ADGRD1: variants seen among roughly 807,000 people sequenced by gnomAD.
ADGRD1 encodes the protein G-protein coupled receptor 133.
In ADGRD1, 77 loss-of-function variants were observed where a neutral mutation model predicts 113.4. The observed-to-expected ratio is 0.68, with a 90% CI of 0.57 to 0.82. The LOEUF (loss-of-function observed/expected upper bound fraction) is 0.82, where lower values mean the gene tolerates loss of function less well. ADGRD1 is among the 40% of genes least tolerant of loss of function. The probability of loss-of-function intolerance (pLI) is 0.00; values close to 1 mark genes in which losing one functional copy is unlikely to be tolerated. For missense variants in ADGRD1, 1,036 were observed against 1,139.1 expected (o/e 0.91, Z 1.30); for synonymous variants, 474 against 475.0 (o/e 1.00, Z 0.03).
chr12:131,033,088 T>C (rs1880977658), intron 13 of ADGRD1, among the ~76,000 whole-genome samples: 1 of 152,232 alleles, frequency 6.6e-6, no homozygotes, highest in African/African-American at 2.4e-5. Flanking sequence ...CGCCCTGCCC[T>C]CCAGGACATT....
In ADGRD1 at chr12:130,981,881, C is replaced by T; in HGVS notation, c.311-3C>T. On this transcript the variant is annotated splice_region_variant and splice_polypyrimidine_tract_variant and intron_variant, in intron 4 of 24. Coordinates refer to ENST00000261654, the MANE Select transcript of ADGRD1 (RefSeq NM_198827.5). ...GAATAACTGATCTTGTGACTTTCCT[C>T]AGGGGTCACGTTTTCTTTTTTCTGG... The T allele has an allele frequency of 6.2e-7, 1 of 1,607,998 alleles. No individual in the cohort carries two copies.
At chr12:131,104,524 A>C (rs768097391) in intron 15 of ADGRD1, among the ~76,000 whole-genome samples, 8 of 152,036 alleles carry the variant, frequency 5.3e-5, no homozygotes, top group Non-Finnish European at 1.2e-4. Context: ...TGTGTATTGC[A>C]GTGTAGACAG....
At chr12:131,062,117 C>A (rs1272533610) in intron 13 of ADGRD1, among the ~76,000 whole-genome samples, 2 of 152,136 alleles carry the variant, frequency 1.3e-5, no homozygotes, top group African/African-American at 4.8e-5. Flanking sequence ...ACCTCCGCCT[C>A]CCAGATTCAA....
intron 13 of ADGRD1, among the ~76,000 whole-genome samples, chr12:131,019,377 CA>C: frequency 6.6e-6 from 1 of 152,310 alleles, no homozygotes; most frequent in South Asian, 2.1e-4. Flanking sequence ...ACCCACACAC[CA>C]CCCTGGGACG....
At chr12:131,018,931 G>C (rs1164600995) in intron 13 of ADGRD1, among the ~76,000 whole-genome samples, 3 of 152,188 alleles carry the variant, frequency 2.0e-5, no homozygotes, top group African/African-American at 7.2e-5. Context: ...GGGGGCAGGA[G>C]CCCAGCTGGG....
intron 24 of ADGRD1, among the ~76,000 whole-genome samples, chr12:131,138,956 G>A (rs1193479396): frequency 6.6e-6 from 1 of 152,190 alleles, no homozygotes; most frequent in Non-Finnish European, 1.5e-5. Flanking sequence ...CCCTTAAGGG[G>A]AGTCAGCGTG....
At chr12:131,076,062 C>T (rs1444386040) in intron 13 of ADGRD1, among the ~76,000 whole-genome samples, 1 of 152,196 alleles carries the variant, frequency 6.6e-6, no homozygotes, top group Non-Finnish European at 1.5e-5. Context: ...GCTGCAGAGT[C>T]CTCCGAGCTG....
chr12:131,019,166 G>T (rs1382899354), intron 13 of ADGRD1, among the ~76,000 whole-genome samples: 1 of 152,226 alleles, frequency 6.6e-6, no homozygotes, highest in Non-Finnish European at 1.5e-5. Context: ...AGTGGCCTCT[G>T]GTGGACCGGC....
At position 130,995,446 on chromosome 12, in the gene ADGRD1, C is replaced by T. The variant is rs558203631; in HGVS notation, c.966+3054C>T. Among the ~76,000 whole-genome samples, 8 of 152,340 alleles carry T rather than the reference C, an allele frequency of 5.3e-5. No individual in the cohort carries two copies. In the South Asian group the frequency reaches 1.0e-3, roughly 20 times the overall value. On this transcript the variant is annotated intron_variant, in intron 8 of 24. Coordinates refer to ENST00000261654, the MANE Select transcript of ADGRD1 (RefSeq NM_198827.5). The stretch of plus-strand genomic sequence containing the variant: ...TTTTACTTTCCTTGCTGCTTTTCTT[C>T]CTTCTCTCCCTCAGCTATACCTGAG...
In ADGRD1 at chr12:131,139,446, C is replaced by T. The variant is rs2136122978; in HGVS notation, c.*183C>T. On this transcript the variant is annotated 3_prime_UTR_variant, in exon 25 of 25. Transcript: ENST00000261654. ...CGGAGCACACTGCTCAGCCCAGCAG[C>T]CTGATGCCCAGGCCAGCGTGGGCCC... 1.7e-6 allele frequency: 1 copy of T among 583,042 alleles called. No individual in the cohort carries two copies. The highest frequency in any genetic ancestry group is 2.9e-5 in the East Asian group (1 of 34,476). The allele number at this position is 583,042 out of a possible 1,614,324, so 36.1% of individuals were successfully genotyped here. A position where few individuals can be genotyped will look rare whatever the true frequency, so the allele number is the denominator to read the frequency against.
chr12:130,995,971 T>G (rs1875253655), intron 8 of ADGRD1, among the ~76,000 whole-genome samples: 1 of 151,920 alleles, frequency 6.6e-6, no homozygotes. Context: ...TAGGGAGTGG[T>G]GATGACTCTT....
At chr12:131,102,724 C>T (rs561394741) in intron 15 of ADGRD1, among the ~76,000 whole-genome samples, 5 of 152,298 alleles carry the variant, frequency 3.3e-5, no homozygotes, top group African/African-American at 1.2e-4. Flanking sequence ...CAGGGAAGCC[C>T]ACGGGCATGG....
intron 19 of ADGRD1, among the ~76,000 whole-genome samples, chr12:131,120,064 T>G (rs1950556330): frequency 6.6e-6 from 1 of 152,156 alleles, no homozygotes. Context: ...TGTTGTGCTG[T>G]GGGGCAGACC....
intron 15 of ADGRD1, among the ~76,000 whole-genome samples, chr12:131,085,420 C>T (rs116082912): frequency 0.046 from 6,853 of 148,368 alleles, 509 homozygotes; most frequent in African/African-American, 0.16. Flanking sequence ...CCTGGGGAGG[C>T]GGGAGGCAGG....
intron 19 of ADGRD1, among the ~76,000 whole-genome samples, chr12:131,120,155 G>A (rs748447394): frequency 3.9e-5 from 6 of 152,176 alleles, no homozygotes; most frequent in South Asian, 2.1e-4. Flanking sequence ...TGAGGACTGC[G>A]CCACGCACCT....
At chr12:131,079,247 A>G (rs759886223) in intron 14 of ADGRD1, among the ~76,000 whole-genome samples, 1 of 152,120 alleles carries the variant, frequency 6.6e-6, no homozygotes, top group Non-Finnish European at 1.5e-5. Context: ...ACCGTAGTTT[A>G]TTTATCTTCT....
chr12:131,121,700 G>A (rs1344506312), intron 20 of ADGRD1, among the ~76,000 whole-genome samples: 1 of 152,172 alleles, frequency 6.6e-6, no homozygotes, highest in Non-Finnish European at 1.5e-5. Context: ...GTTTAAACAC[G>A]GATGGGGATT....
At chr12:131,056,284 C>T (rs544216517) in intron 13 of ADGRD1, among the ~76,000 whole-genome samples, 3 of 152,280 alleles carry the variant, frequency 2.0e-5, no homozygotes, top group Admixed American at 6.5e-5. Flanking sequence ...GAAAGTTTGC[C>T]GGCTATAGGG....
chr12:130,994,981 C>T (rs1034808617), intron 8 of ADGRD1, among the ~76,000 whole-genome samples: 7 of 152,302 alleles, frequency 4.6e-5, no homozygotes, highest in South Asian at 2.1e-4. Flanking sequence ...TGTGGCCCAC[C>T]GCCTGCCTGG....
Sources: gnomAD v4.1 joint callset for allele counts (sites outside exome capture counted in the v4.1 genomes callset) on GRCh38, gnomAD v4.1.1 for gene constraint, MANE v1.5 for transcripts, NCBI Gene and HGNC (gene_info 2026-07-23, HGNC 2026-07-21) for gene names.